Variants in CCDC85A observed in about 807,000 individuals in gnomAD.
CCDC85A encodes the protein coiled-coil domain-containing protein 85A.
CCDC85A carries 38 observed loss-of-function variants against 50.2 expected under a neutral mutation model. The ratio of observed to expected loss-of-function variants is 0.76; its 90% confidence interval spans 0.58 to 0.99. The LOEUF is 0.99. Ranked by LOEUF, CCDC85A falls within the 50% of genes least tolerant of loss-of-function variation. The pLI, the probability that CCDC85A is intolerant of heterozygous loss-of-function variation, is 0.00. For synonymous variants in CCDC85A, 366 were observed against 301.4 expected, an observed-to-expected ratio of 1.21 and a Z score of -2.22; for missense variants, 820 against 742.0, an observed-to-expected ratio of 1.11 and a Z score of -1.22.
intron 2 of CCDC85A, among the ~76,000 whole-genome samples, chr2:56,273,665 A>G (rs2104072152): frequency 6.7e-6 from 1 of 149,976 alleles, no homozygotes; most frequent in South Asian, 2.1e-4. Flanking sequence ...GAACCAAGAA[A>G]AAAGGAGAAC....
At chr2:56,274,179 G>C (rs1044486047) in intron 2 of CCDC85A, among the ~76,000 whole-genome samples, 6 of 151,970 alleles carry the variant, frequency 3.9e-5, no homozygotes, top group Non-Finnish European at 7.4e-5. Context: ...CCCTACCATT[G>C]GTCCCAGTCA....
Position 56,193,067 on chromosome 2 carries a change from C to G in CCDC85A, c.867C>G (p.Ser289Arg). The G allele has an allele frequency of 6.2e-7, 1 of 1,613,920 alleles. No homozygotes were observed. ...PEHHKPLCKG[S>R]PEQQRHPHPG... ...ACCACAAACCCTTGTGCAAGGGCAG[C>G]CCCGAACAGCAAAGGCACCCGCATC... Residue 289 changes from serine to arginine, a missense_variant, in exon 2 of 6, where the codon AGC becomes AGG. Ser to Arg is a moderately radical substitution (Grantham distance 110). Coordinates refer to ENST00000407595, the MANE Select transcript of CCDC85A (RefSeq NM_001080433.2).
chr2:56,274,496 G>A (rs1289063041), intron 2 of CCDC85A, among the ~76,000 whole-genome samples: 1 of 152,154 alleles, frequency 6.6e-6, no homozygotes, highest in Non-Finnish European at 1.5e-5. Flanking sequence ...AGGGAGAATT[G>A]CTTCCTTTTC....
At position 56,214,090 on chromosome 2, in the gene CCDC85A, C is replaced by T. The variant is rs368574206; in HGVS notation, c.1240+20650C>T. Among the ~76,000 whole-genome samples, 7 of 151,434 alleles carry T rather than the reference C, an allele frequency of 4.6e-5. No homozygotes were observed. In the East Asian group the frequency reaches 1.4e-3, roughly 29 times the overall value. ...TGAGACAAGACTACACGGATAAGTA[C>T]AGCCTTCTAAGGAAAAAGATGACAT... On this transcript the variant is annotated intron_variant, in intron 2 of 5. Coordinates refer to ENST00000407595, the MANE Select transcript of CCDC85A (RefSeq NM_001080433.2).
At chr2:56,258,891 A>T (rs1365054193) in intron 2 of CCDC85A, among the ~76,000 whole-genome samples, 1 of 152,186 alleles carries the variant, frequency 6.6e-6, no homozygotes, top group African/African-American at 2.4e-5. Context: ...AAAATATGGA[A>T]TGAAGTCCTC....
chr2:56,277,428 CA>C (rs199721000), intron 2 of CCDC85A, among the ~76,000 whole-genome samples: 11,794 of 143,616 alleles, frequency 0.082, 1,508 homozygotes, highest in African/African-American at 0.28. Flanking sequence ...TGCATGGACA[CA>C]TTAAACATAG....
chr2:56,184,199 A>C lies in CCDC85A; in HGVS notation c.-426A>C. 5 of 988,200 alleles carry C rather than the reference A, an allele frequency of 5.1e-6. No homozygotes were observed. Among genetic ancestry groups the C allele is most frequent in the Non-Finnish European group, 6.0e-6 (5 of 831,610 alleles). 61.2% of individuals were successfully genotyped at this position (988,200 alleles called of 1,614,324 possible). On this transcript the variant is annotated 5_prime_UTR_variant, in exon 1 of 6. Coordinates refer to ENST00000407595, the MANE Select transcript of CCDC85A (RefSeq NM_001080433.2). The stretch of plus-strand genomic sequence containing the variant: ...GGCTGCAGCTGGGCAAGGGGGAGGA[A>C]AGTGCGTGTGCGTGCACGCCTGTGT...
intron 2 of CCDC85A, among the ~76,000 whole-genome samples, chr2:56,270,935 G>A (rs1670669951): frequency 6.6e-6 from 1 of 152,200 alleles, no homozygotes. Flanking sequence ...TTCATGCATT[G>A]TGTTAGTTAC....
intron 2 of CCDC85A, among the ~76,000 whole-genome samples, chr2:56,336,346 G>T (rs1189464779): frequency 6.6e-6 from 1 of 151,966 alleles, no homozygotes; most frequent in Non-Finnish European, 1.5e-5. Context: ...TAGATACGGG[G>T]TTTCACCATA....
At chr2:56,242,595 C>T (rs1669311000) in intron 2 of CCDC85A, among the ~76,000 whole-genome samples, 1 of 152,210 alleles carries the variant, frequency 6.6e-6, no homozygotes, top group East Asian at 1.9e-4. Flanking sequence ...CAAACACCTC[C>T]CACCAAGTCC....
At chr2:56,290,189 A>G (rs1573185848) in intron 2 of CCDC85A, among the ~76,000 whole-genome samples, 1 of 152,368 alleles carries the variant, frequency 6.6e-6, no homozygotes, top group Non-Finnish European at 1.5e-5. Context: ...CTCAAAGATC[A>G]GTCTTAGATT....
At chr2:56,224,915 C>T (rs1286272858) in intron 2 of CCDC85A, among the ~76,000 whole-genome samples, 3 of 152,022 alleles carry the variant, frequency 2.0e-5, no homozygotes, top group East Asian at 1.9e-4. Flanking sequence ...TTCTTACAAG[C>T]AGAAAAGCTT....
At chr2:56,204,099 A>G (rs1048923024) in intron 2 of CCDC85A, among the ~76,000 whole-genome samples, 1 of 152,134 alleles carries the variant, frequency 6.6e-6, no homozygotes, top group African/African-American at 2.4e-5. Context: ...TAGATTTCAC[A>G]GGTAAATAAA....
At chr2:56,217,152 A>G (rs1008666562) in intron 2 of CCDC85A, among the ~76,000 whole-genome samples, 1 of 151,878 alleles carries the variant, frequency 6.6e-6, no homozygotes, top group African/African-American at 2.4e-5. Flanking sequence ...TTTAAGTTTT[A>G]TCTATCTCTC....
chr2:56,259,108 G>C (rs549965833), intron 2 of CCDC85A, among the ~76,000 whole-genome samples: 1 of 152,292 alleles, frequency 6.6e-6, no homozygotes, highest in East Asian at 1.9e-4. Context: ...TAACTGAGGA[G>C]CCGTGCTGTG....
intron 2 of CCDC85A, among the ~76,000 whole-genome samples, chr2:56,232,218 C>T (rs1668803435): frequency 1.3e-5 from 2 of 152,148 alleles, no homozygotes. Flanking sequence ...AGCATCACTA[C>T]TAGGATACCT....
intron 2 of CCDC85A, among the ~76,000 whole-genome samples, chr2:56,200,866 G>A (rs1184551731): frequency 1.3e-5 from 2 of 151,820 alleles, no homozygotes; most frequent in African/African-American, 2.4e-5. Context: ...CTTCATCCTG[G>A]CTCCTGATCA....
chr2:56,207,193 G>T (rs1558584151), intron 2 of CCDC85A, among the ~76,000 whole-genome samples: 1 of 152,084 alleles, frequency 6.6e-6, no homozygotes, highest in East Asian at 1.9e-4. Flanking sequence ...ATTTTAGCTT[G>T]TTATGTTCTA....
chr2:56,232,092 A>G (rs962221639), intron 2 of CCDC85A, among the ~76,000 whole-genome samples: 3 of 152,176 alleles, frequency 2.0e-5, no homozygotes, highest in South Asian at 2.1e-4. Flanking sequence ...TGCATTTTAC[A>G]TAATTTCTTC....
Sources: gnomAD v4.1 joint callset for allele counts (sites outside exome capture counted in the v4.1 genomes callset) on GRCh38, gnomAD v4.1.1 for gene constraint, MANE v1.5 for transcripts, NCBI Gene and HGNC (gene_info 2026-07-23, HGNC 2026-07-21) for gene names.